The following F13A1 variants were observed in gnomAD, a reference collection of about 807,000 sequenced individuals.
The protein encoded by F13A1 is FSF, A subunit.
A neutral mutation model predicts 80.1 loss-of-function variants in F13A1; 47 were observed. That is an observed-to-expected ratio of 0.59 (90% CI 0.46 to 0.75). The LOEUF is 0.75. Ranked by LOEUF, F13A1 falls within the 30% of genes least tolerant of loss-of-function variation. The pLI, the probability that F13A1 is intolerant of heterozygous loss-of-function variation, is 0.00. For synonymous variants in F13A1, 349 were observed against 344.9 expected (o/e 1.01, Z -0.13); for missense variants, 817 against 930.4 (o/e 0.88, Z 1.59).
At chr6:6,174,113 A>T (rs781361496) in intron 12 of F13A1, among the ~76,000 whole-genome samples, 4 of 151,468 alleles carry the variant, frequency 2.6e-5, no homozygotes, top group Non-Finnish European at 5.9e-5. Context: ...TTTTGGGCCG[A>T]GTGCGGTGGC....
At chr6:6,217,415 A>T (rs36074214) in intron 8 of F13A1, among the ~76,000 whole-genome samples, 19,173 of 151,360 alleles carry the variant, frequency 0.13, 1,391 homozygotes, top group Middle Eastern at 0.19. Flanking sequence ...ATTCTCAGTA[A>T]ACTATCACAA....
chr6:6,310,061 C>T (rs1427973251), intron 2 of F13A1, among the ~76,000 whole-genome samples: 2 of 152,154 alleles, frequency 1.3e-5, no homozygotes, highest in East Asian at 3.9e-4. Context: ...CCAGCTTTAC[C>T]TCCTAGCCTA....
At chr6:6,163,078 T>A (rs1355109601) in intron 13 of F13A1, among the ~76,000 whole-genome samples, 1 of 152,218 alleles carries the variant, frequency 6.6e-6, no homozygotes, top group African/African-American at 2.4e-5. Flanking sequence ...CCAACCCTTA[T>A]CTTGACTGAG....
intron 3 of F13A1, among the ~76,000 whole-genome samples, chr6:6,283,788 C>T (rs944928346): frequency 6.6e-6 from 1 of 152,096 alleles, no homozygotes; most frequent in Non-Finnish European, 1.5e-5. Flanking sequence ...AAGGGATACC[C>T]TCCTGGTTGC....
chr6:6,222,791 T>C (rs1157143295), intron 7 of F13A1, among the ~76,000 whole-genome samples: 1 of 152,240 alleles, frequency 6.6e-6, no homozygotes, highest in Non-Finnish European at 1.5e-5. Flanking sequence ...GATTAATGAC[T>C]TGGCTTGCCT....
chr6:6,198,097 T>C (rs1483068158), intron 8 of F13A1, among the ~76,000 whole-genome samples: 3 of 152,248 alleles, frequency 2.0e-5, no homozygotes, highest in African/African-American at 4.8e-5. Context: ...GGTCTTAGAC[T>C]ATTACTGTAG....
chr6:6,212,985 A>G (rs562885193), intron 8 of F13A1, among the ~76,000 whole-genome samples: 64 of 152,308 alleles, frequency 4.2e-4, no homozygotes, highest in Non-Finnish European at 8.5e-4. Context: ...GAGAAAAAAG[A>G]ATAAAAAGAA....
intron 8 of F13A1, among the ~76,000 whole-genome samples, chr6:6,202,208 G>C (rs776613272): frequency 1.3e-5 from 2 of 150,840 alleles, no homozygotes; most frequent in African/African-American, 2.5e-5. Flanking sequence ...CTTCCGTACA[G>C]ACTTTTCCTA....
rs575804981 is a variant in F13A1, at chr6:6,282,200, A to G, written c.320-15391T>C. On this transcript the variant is annotated intron_variant, in intron 3 of 14. Transcript: ENST00000264870. The stretch of plus-strand genomic sequence containing the variant: ...ACTACTTTCTATTAAAATGAAGTGG[A>G]GTTCTTTGGAGAAATGTTTCTCCTT... Among the ~76,000 whole-genome samples the G allele has an allele frequency of 8.5e-5, 13 of 152,226 alleles. No homozygotes were observed. In the East Asian group the frequency reaches 2.5e-3, roughly 29 times the overall value.
intron 10 of F13A1, among the ~76,000 whole-genome samples, chr6:6,192,083 T>C (rs1270868407): frequency 6.6e-6 from 1 of 152,110 alleles, no homozygotes; most frequent in Non-Finnish European, 1.5e-5. Context: ...AAAGGAGCAG[T>C]ATGTCTAAAA....
intron 13 of F13A1, among the ~76,000 whole-genome samples, chr6:6,161,524 ATGTGTGTGTG>A (rs143895728): frequency 7.5e-6 from 1 of 133,554 alleles, no homozygotes; most frequent in Non-Finnish European, 1.6e-5. Flanking sequence ...CAGAGAGAGG[ATGTGTGTGTG>A]TGTGTGTGTG....
intron 3 of F13A1, 91 bp from the exon 4 acceptor site, chr6:6,266,900 G>C: frequency 6.5e-7 from 1 of 1,535,208 alleles, no homozygotes; most frequent in Non-Finnish European, 9.0e-7. Context: ...AGGGACAGGA[G>C]TAATCCATTA....
chr6:6,315,557 C>T (rs1006807554), intron 2 of F13A1, among the ~76,000 whole-genome samples: 1 of 152,114 alleles, frequency 6.6e-6, no homozygotes, highest in African/African-American at 2.4e-5. Flanking sequence ...AAAGCCATGA[C>T]TTAAGGGCGT....
At chr6:6,190,241 G>A (rs150124518) in intron 10 of F13A1, among the ~76,000 whole-genome samples, 22,080 of 152,038 alleles carry the variant, frequency 0.15, 2,066 homozygotes, top group South Asian at 0.31. Context: ...GTCGTTCTCC[G>A]TCCAGCTTTG....
chr6:6,145,087 G>T lies in F13A1; in HGVS notation c.*532C>A, dbSNP rs751133183. Reference sequence around the variant, plus strand: ...GCTTGGCTGCAGGTGCAAAATGAAAGATCTTTTTCTGGCTTTGCCAAAAAT... The same window carrying T: ...GCTTGGCTGCAGGTGCAAAATGAAATATCTTTTTCTGGCTTTGCCAAAAAT... On this transcript the variant is annotated 3_prime_UTR_variant, in exon 15 of 15. Coordinates refer to ENST00000264870, the MANE Select transcript of F13A1 (RefSeq NM_000129.4). 1 of 155,962 alleles carries T rather than the reference G, an allele frequency of 6.4e-6. No homozygotes were observed. 9.7% of individuals were successfully genotyped at this position (155,962 alleles called of 1,614,324 possible).
intron 13 of F13A1, among the ~76,000 whole-genome samples, chr6:6,161,486 T>C (rs1475024170): frequency 1.3e-5 from 2 of 150,686 alleles, no homozygotes; most frequent in Admixed American, 6.6e-5. Context: ...TCATAGTGTA[T>C]TCACTTTGCA....
intron 7 of F13A1, 114 bp from the exon 8 acceptor site, chr6:6,222,285 G>A: frequency 3.6e-6 from 5 of 1,377,676 alleles, no homozygotes; most frequent in South Asian, 2.4e-5. Context: ...AAAGCCCTTT[G>A]GACATGTTAT....
At chr6:6,301,039 A>G (rs1425681605) in intron 3 of F13A1, among the ~76,000 whole-genome samples, 2 of 152,180 alleles carry the variant, frequency 1.3e-5, no homozygotes, top group African/African-American at 2.4e-5. Context: ...GTGCACCTGT[A>G]TATAGAAACC....
chr6:6,292,412 C>T (rs906200965), intron 3 of F13A1, among the ~76,000 whole-genome samples: 2 of 152,174 alleles, frequency 1.3e-5, no homozygotes, highest in African/African-American at 4.8e-5. Context: ...GATTTTGCCT[C>T]CTAAATATTT....
Sources: gnomAD v4.1 joint callset for allele counts (sites outside exome capture counted in the v4.1 genomes callset) on GRCh38, gnomAD v4.1.1 for gene constraint, MANE v1.5 for transcripts, NCBI Gene and HGNC (gene_info 2026-07-23, HGNC 2026-07-21) for gene names.